Variants in IGSF9B observed in about 807,000 individuals in gnomAD.
The protein encoded by IGSF9B is immunoglobulin superfamily member 9B.
In IGSF9B, 48 loss-of-function variants were observed where a neutral mutation model predicts 143.7. That is an observed-to-expected ratio of 0.33 (90% confidence interval 0.26 to 0.42). The LOEUF is 0.42. IGSF9B is among the 20% of genes least tolerant of loss of function. The probability of loss-of-function intolerance (pLI) is 1.00; values close to 1 mark genes in which losing one functional copy is unlikely to be tolerated. For missense variants in IGSF9B, 1,706 were observed against 1,980.0 expected (o/e 0.86, Z 2.63); for synonymous variants, 903 against 833.1 (o/e 1.08, Z -1.44).
In IGSF9B at chr11:133,897,395, C is replaced by CAT. The variant is rs563297621; in HGVS notation, c.*11672_*11673dup. The CAT allele has an allele frequency of 1.7e-4, 26 of 152,360 alleles. No homozygotes were observed. Among genetic ancestry groups the CAT allele is most frequent in the African/African-American group, 6.0e-4 (25 of 41,552 alleles). 9.4% of individuals were successfully genotyped at this position (152,360 alleles called of 1,614,324 possible). A position where few individuals can be genotyped will look rare whatever the true frequency, so the allele number is the denominator to read the frequency against. On this transcript the variant is annotated 3_prime_UTR_variant, in exon 20 of 20. Transcript: ENST00000533871. Reference sequence around the variant, plus strand: ...GCACACACACGCACAGGTATGCACACATATATATGCAGGTGCGCGCACACA... The same window carrying CAT: ...GCACACACACGCACAGGTATGCACACATATATATATGCAGGTGCGCGCACACA...
intron 14 of IGSF9B, among the ~76,000 whole-genome samples, chr11:133,925,495 C>T (rs1172435945): frequency 2.6e-5 from 4 of 152,180 alleles, no homozygotes; most frequent in East Asian, 1.9e-4. Context: ...TGTAGCGGTG[C>T]CGGGACCCTC....
chr11:133,926,117 G>A (rs79786371), intron 13 of IGSF9B, among the ~76,000 whole-genome samples, 152 bp from the exon 14 acceptor site: 3,170 of 152,314 alleles, frequency 0.021, 84 homozygotes, highest in African/African-American at 0.063. Context: ...TTCAGAGTAC[G>A]TCTAAACATA....
At position 133,929,710 on chromosome 11, in the gene IGSF9B, G is replaced by C; in HGVS notation, c.1592C>G (p.Pro531Arg). ...SMTTANVSWE[P>R]GYDGGYEQTF... ...CTGCTCGTAGCCTCCATCATAGCCT[G>C]GTTCCCAGGACACGTTGGCAGTTGT... Residue 531 changes from proline (P) to arginine (R), a missense_variant, in exon 12 of 20, where the codon CCA (proline) becomes CGA (arginine). Coordinates refer to ENST00000533871, the MANE Select transcript of IGSF9B (RefSeq NM_001277285.4). 6.2e-7 allele frequency: 1 copy of C among 1,613,874 alleles called. No individual in the cohort carries two copies. Among genetic ancestry groups the C allele is most frequent in the Non-Finnish European group, 8.5e-7 (1 of 1,179,786 alleles).
At chr11:133,922,141 G>T in intron 17 of IGSF9B, 36 bp downstream of exon 17, 3 of 1,598,688 alleles carry the variant, frequency 1.9e-6, no homozygotes, top group Non-Finnish European at 2.6e-6. Context: ...CCCCTGCCAT[G>T]AACAGCACAA....
Position 133,921,147 on chromosome 11 carries a change from T to C in IGSF9B, c.2578A>G (p.Met860Val). 1 of 1,613,226 alleles carries C rather than the reference T, an allele frequency of 6.2e-7. No individual in the cohort carries two copies. The highest frequency in any genetic ancestry group is 8.5e-7 in the Non-Finnish European group (1 of 1,179,620). The stretch of plus-strand genomic sequence containing the variant: ...GAGGGCTCCATCTCGGCAGGGTCCA[T>C]CACGAAGCGGCCGTCAGGGCCTCTG... ...ISRGPDGRFV[M>V]DPAEMEPSLK... The change falls in exon 18 of 20, where the codon ATG (methionine) becomes GTG (valine). Residue 860 changes from methionine to valine, a missense_variant. Coordinates refer to ENST00000533871, the MANE Select transcript of IGSF9B (RefSeq NM_001277285.4).
At chr11:133,938,376 G>A (rs1846822340) in intron 3 of IGSF9B, among the ~76,000 whole-genome samples, 6 of 152,072 alleles carry the variant, frequency 3.9e-5, no homozygotes, top group Admixed American at 1.3e-4. Context: ...ACTTGCCGTC[G>A]GAGCCCTACC....
rs1242586265 is a variant in IGSF9B, at chr11:133,913,496, G to A, written c.3984-1489C>T. 1.3e-5 allele frequency among the ~76,000 whole-genome samples: 2 copies of A among 152,160 alleles called. No homozygotes were observed. The highest frequency in any genetic ancestry group is 1.5e-5 in the Non-Finnish European group (1 of 68,026). ...ATGCAGTGACCTCCATCTTCCTGGGGGATGTCATCATTCTCTAGTCCTTTA... is the reference window on the plus strand; with the variant it reads ...ATGCAGTGACCTCCATCTTCCTGGGAGATGTCATCATTCTCTAGTCCTTTA... On this transcript the variant is annotated intron_variant, in intron 18 of 19. Coordinates refer to ENST00000533871, the MANE Select transcript of IGSF9B (RefSeq NM_001277285.4). This position sits in a 1 kb window ranked among gnomAD's most constrained non-coding sequence, Gnocchi z 4.6.
At position 133,946,185 on chromosome 11, in the gene IGSF9B, G is replaced by A. The variant is rs373192664; in HGVS notation, c.138C>T (p.Asp46=). The A allele has an allele frequency of 9.3e-6, 15 of 1,613,654 alleles. No homozygotes were observed. The highest frequency in any genetic ancestry group is 5.0e-5 in the Admixed American group (3 of 59,972). ...GCTGTCCCGTCACTGGGTGGATCACGTCGCATCGCAGGACCACGCTCTCCC... is the reference window on the plus strand; with the variant it reads ...GCTGTCCCGTCACTGGGTGGATCACATCGCATCGCAGGACCACGCTCTCCC... ...RAGESVVLRC[D]VIHPVTGQPP... Residue 46 remains aspartate (D), a synonymous_variant, in exon 2 of 20, where the codon GAC becomes GAT. Transcript: ENST00000533871.
rs1939122256 is a variant in IGSF9B at position 133,901,674 on chromosome 11, A to G, written c.*7395T>C. The G allele has an allele frequency of 6.6e-6, 1 of 152,156 alleles. No individual in the cohort carries two copies. Among genetic ancestry groups the G allele is most frequent in the South Asian group, 2.1e-4 (1 of 4,830 alleles). The allele number at this position is 152,156 out of a possible 1,614,324, so 9.4% of individuals were successfully genotyped here. On this transcript the variant is annotated 3_prime_UTR_variant, in exon 20 of 20. Transcript: ENST00000533871. The stretch of plus-strand genomic sequence containing the variant: ...AAAAATACATTAAAGATGGTGCATT[A>G]CTAATTTGACCCTCCTACCCAAACA...
rs752118754 is a variant in IGSF9B, at chr11:133,920,400, C to A, written c.3325G>T (p.Gly1109Cys). 8.8e-6 allele frequency: 14 copies of A among 1,596,280 alleles called. No homozygotes were observed. In the Admixed American group the frequency reaches 2.1e-4, roughly 24 times the overall value. ...APKGWAGKSP[G>C]RGPVPAPPAA... ...GGGGGCGCTGGGACAGGGCCCCTGC[C>A]GGGCGACTTGCCTGCCCAACCCTTC... The change falls in exon 18 of 20, where the codon GGC becomes TGC. Residue 1109 changes from glycine to cysteine, a missense_variant. By Grantham distance (159) the Gly-to-Cys change is radical. This residue lies in a region of IGSF9B where 880 missense variants were observed against 762.9 expected (regional missense o/e 1.15). Coordinates refer to ENST00000533871, the MANE Select transcript of IGSF9B (RefSeq NM_001277285.4).
intron 1 of IGSF9B, among the ~76,000 whole-genome samples, chr11:133,951,662 A>G (rs1179252438): frequency 3.3e-5 from 5 of 152,164 alleles, no homozygotes; most frequent in African/African-American, 7.2e-5. Flanking sequence ...ATGGCTCCTC[A>G]GCAGAGGCAA....
Position 133,946,055 on chromosome 11 carries a change from C to A in IGSF9B, c.262+6G>T, listed in dbSNP as rs185742877. ...AGGTGCGGGAGACCGGGTGCCCAGA[C>A]CTTACCTGCATACTCAGGGTCCACG... On this transcript the variant is annotated splice_donor_region_variant and intron_variant, in intron 2 of 19. Transcript: ENST00000533871. 9.0e-6 allele frequency: 14 copies of A among 1,552,620 alleles called. No homozygotes were observed. The African/African-American group carries it at 9.5e-5, about 10-fold the overall frequency.
At position 133,920,324 on chromosome 11, in the gene IGSF9B, T is replaced by C; in HGVS notation, c.3401A>G (p.Gln1134Arg). The part of the protein sequence containing the change: ...RPMQPLVSQG[Q>R]LRHTSQGMGI... Reference sequence around the variant, plus strand: ...CATGCCTTGGCTTGTATGTCGCAGCTGCCCTTGGCTTACCAGAGGTTGCAT... The same window carrying C: ...CATGCCTTGGCTTGTATGTCGCAGCCGCCCTTGGCTTACCAGAGGTTGCAT... The change falls in exon 18 of 20, where the codon CAG becomes CGG. Residue 1134 changes from glutamine to arginine, a missense_variant. Gln to Arg is a conservative substitution (Grantham distance 43, BLOSUM62 1). This residue lies in a region of IGSF9B where 880 missense variants were observed against 762.9 expected (regional missense o/e 1.15). Transcript: ENST00000533871. 2 of 1,584,544 alleles carry C rather than the reference T, an allele frequency of 1.3e-6. No homozygotes were observed. Among genetic ancestry groups the C allele is most frequent in the East Asian group, 2.2e-5 (1 of 44,476 alleles).
chr11:133,951,271 C>G (rs542583449), intron 1 of IGSF9B, among the ~76,000 whole-genome samples: 15 of 152,226 alleles, frequency 9.9e-5, no homozygotes, highest in Non-Finnish European at 1.8e-4. Flanking sequence ...CTTCTGCCTG[C>G]GGGAAAGCCC....
chr11:133,909,291 A>C lies in IGSF9B; in HGVS notation c.4106-14T>G. The C allele has an allele frequency of 6.5e-7, 1 of 1,530,672 alleles. No homozygotes were observed. The highest frequency in any genetic ancestry group is 8.8e-7 in the Non-Finnish European group (1 of 1,142,104). The allele number at this position is 1,530,672 out of a possible 1,614,324, so 94.8% of individuals were successfully genotyped here. A position where few individuals can be genotyped will look rare whatever the true frequency, so the allele number is the denominator to read the frequency against. On this transcript the variant is annotated splice_polypyrimidine_tract_variant and intron_variant, in intron 19 of 19. Transcript: ENST00000533871. This position sits in a 1 kb window ranked among gnomAD's most constrained non-coding sequence, Gnocchi z 4.2. ...AGGCAGAATCGTCTAGGAAGAAAGG[A>C]AGAGGGACGCAAAAGAGAAGCAAGC...
chr11:133,915,073 T>C (rs1353604833), intron 18 of IGSF9B, among the ~76,000 whole-genome samples: 1 of 152,068 alleles, frequency 6.6e-6, no homozygotes, highest in Non-Finnish European at 1.5e-5. Flanking sequence ...TCTCCAAGAA[T>C]TTAAGGTCAC....
chr11:133,912,134 GC>G, intron 18 of IGSF9B, 127 bp from the exon 19 acceptor site: 2 of 1,076,964 alleles, frequency 1.9e-6, no homozygotes, highest in South Asian at 1.5e-5. Context: ...AGCCCAAGGT[GC>G]CCACGATGGC....
rs199538394 is a variant in IGSF9B at position 133,920,180 on chromosome 11, C to T, written c.3545G>A (p.Arg1182Gln). The T allele has an allele frequency of 3.8e-4, 569 of 1,508,290 alleles. No individual in the cohort carries two copies. In the African/African-American group the frequency reaches 6.9e-3, roughly 18 times the overall value. The allele number at this position is 1,508,290 out of a possible 1,614,324, so 93.4% of individuals were successfully genotyped here. The change falls in exon 18 of 20, where the codon CGG becomes CAG. Residue 1182 changes from arginine (R) to glutamine (Q), a missense_variant. This residue lies in a region of IGSF9B where 880 missense variants were observed against 762.9 expected (regional missense o/e 1.15). Transcript: ENST00000533871. The part of the protein sequence containing the change: ...EPQPRPRPSP[R>Q]QARRAEPSLH... Reference sequence around the variant, plus strand: ...ACTGGGCTCGGCGCGCCTGGCCTGCCGAGGGCTAGGCCGGGGCCGGGGCTG... The same window carrying T: ...ACTGGGCTCGGCGCGCCTGGCCTGCTGAGGGCTAGGCCGGGGCCGGGGCTG...
chr11:133,942,048 CTA>C (rs1470293831), intron 3 of IGSF9B, among the ~76,000 whole-genome samples: 1 of 152,178 alleles, frequency 6.6e-6, no homozygotes, highest in Admixed American at 6.5e-5. Flanking sequence ...ATGTCCAAAA[CTA>C]TGTTTCGAAT....
Sources: allele counts gnomAD v4.1 joint callset (sites outside exome capture counted in the v4.1 genomes callset), GRCh38; gene constraint gnomAD v4.1.1; regional missense constraint gnomAD v4.1.1; non-coding constraint Gnocchi (gnomAD v3.1); transcripts MANE v1.5; gene names NCBI Gene and HGNC (gene_info 2026-07-23, HGNC 2026-07-21).